KCNQ1OT1: variants seen among roughly 807,000 people sequenced by gnomAD.
KCNQ1OT1 encodes KCNQ1 antisense RNA 2 (non-protein coding).
chr11:2,673,964 G>A lies in KCNQ1OT1; in HGVS notation n.26031C>T, dbSNP rs1850237673. 4.5e-6 allele frequency: 1 copy of A among 223,818 alleles called. No individual in the cohort carries two copies. The highest frequency in any genetic ancestry group is 9.3e-5 in the East Asian group (1 of 10,800). 13.9% of individuals were successfully genotyped at this position (223,818 alleles called of 1,614,324 possible). On this transcript the variant is annotated non_coding_transcript_exon_variant, in exon 1 of 1. Transcript: ENST00000597346. This position sits in a 1 kb window ranked among gnomAD's most constrained non-coding sequence, Gnocchi z 4.5. Reference sequence around the variant, plus strand: ...CCCCATGAGTGACAGCAGCCACAAGGGGATGCCCAGCATTGGGGGTGGGGT... The same window carrying A: ...CCCCATGAGTGACAGCAGCCACAAGAGGATGCCCAGCATTGGGGGTGGGGT...
rs907726229 is a variant in KCNQ1OT1 at position 2,683,329 on chromosome 11, G to T, written n.16666C>A. ...GACACATAGAGGCCAGGTTTCCCCCGCTCAACACTAGGCCACTGTGCCTGC... is the reference window on the plus strand; with the variant it reads ...GACACATAGAGGCCAGGTTTCCCCCTCTCAACACTAGGCCACTGTGCCTGC... On this transcript the variant is annotated non_coding_transcript_exon_variant, in exon 1 of 1. Transcript: ENST00000597346. The surrounding 1 kb of genome is among the most constrained non-coding windows in gnomAD (Gnocchi z 4.7). The T allele has an allele frequency of 2.5e-6, 1 of 398,524 alleles. No homozygotes were observed. Among genetic ancestry groups the T allele is most frequent in the Non-Finnish European group, 4.4e-6 (1 of 226,066 alleles). 24.7% of individuals were successfully genotyped at this position (398,524 alleles called of 1,614,324 possible).
chr11:2,662,832 T>C, exon 1 of KCNQ1OT1: 1 of 398,844 alleles, frequency 2.5e-6, no homozygotes, highest in Non-Finnish European at 4.4e-6. Context: ...CTTCTGAGGG[T>C]CACTTGTGGA....
chr11:2,613,587 C>A lies in KCNQ1OT1; in HGVS notation n.86408G>T, dbSNP rs1305804759. 3 of 398,396 alleles carry A rather than the reference C, an allele frequency of 7.5e-6. No homozygotes were observed. In the East Asian group the frequency reaches 1.1e-4, roughly 14 times the overall value. The allele number at this position is 398,396 out of a possible 1,614,324, so 24.7% of individuals were successfully genotyped here. Reference sequence around the variant, plus strand: ...CTTAATATTTTTTCTTTAATTAGCACTTTTCAATTTTATATTTCTTTGTCC... The same window carrying A: ...CTTAATATTTTTTCTTTAATTAGCAATTTTCAATTTTATATTTCTTTGTCC... On this transcript the variant is annotated non_coding_transcript_exon_variant, in exon 1 of 1. Coordinates refer to ENST00000597346, the Ensembl canonical transcript of KCNQ1OT1. This position sits in a 1 kb window ranked among gnomAD's most constrained non-coding sequence, Gnocchi z 4.8.
exon 1 of KCNQ1OT1, chr11:2,616,396 A>G: frequency 2.5e-6 from 1 of 397,806 alleles, no homozygotes; most frequent in East Asian, 3.6e-5. Context: ...ATTCAGTTTT[A>G]TCTCCACTCA....
exon 1 of KCNQ1OT1, chr11:2,655,601 T>C: frequency 2.5e-6 from 1 of 398,660 alleles, no homozygotes; most frequent in Non-Finnish European, 4.4e-6. Flanking sequence ...GCAAGACCTG[T>C]TAGGGCACAG....
chr11:2,669,443 C>A lies in KCNQ1OT1; in HGVS notation n.30552G>T. On this transcript the variant is annotated non_coding_transcript_exon_variant, in exon 1 of 1. Coordinates refer to ENST00000597346, the Ensembl canonical transcript of KCNQ1OT1. The surrounding 1 kb of genome is among the most constrained non-coding windows in gnomAD (Gnocchi z 5.6). Reference sequence around the variant, plus strand: ...TTTAGGTTGACTTTCATATCTTTTACCTTGCCCTGTAGTTTTCAGTGTGGT... The same window carrying A: ...TTTAGGTTGACTTTCATATCTTTTAACTTGCCCTGTAGTTTTCAGTGTGGT... 2.5e-6 allele frequency: 1 copy of A among 398,626 alleles called. No individual in the cohort carries two copies. The highest frequency in any genetic ancestry group is 4.4e-6 in the Non-Finnish European group (1 of 226,074). 24.7% of individuals were successfully genotyped at this position (398,626 alleles called of 1,614,324 possible).
At position 2,626,207 on chromosome 11, in the gene KCNQ1OT1, T is replaced by C; in HGVS notation, n.73788A>G. 1 of 398,620 alleles carries C rather than the reference T, an allele frequency of 2.5e-6. No individual in the cohort carries two copies. The highest frequency in any genetic ancestry group is 4.4e-6 in the Non-Finnish European group (1 of 226,060). The allele number at this position is 398,620 out of a possible 1,614,324, so 24.7% of individuals were successfully genotyped here. A position where few individuals can be genotyped will look rare whatever the true frequency, so the allele number is the denominator to read the frequency against. Reference sequence around the variant, plus strand: ...TCATAGTTTTAGGACTTTGACCCATTTTGAGTAAGTTTTTGTACACAGTGT... The same window carrying C: ...TCATAGTTTTAGGACTTTGACCCATCTTGAGTAAGTTTTTGTACACAGTGT... On this transcript the variant is annotated non_coding_transcript_exon_variant, in exon 1 of 1. Transcript: ENST00000597346. This position sits in a 1 kb window ranked among gnomAD's most constrained non-coding sequence, Gnocchi z 4.0.
chr11:2,689,257 G>A (rs1850548426), exon 1 of KCNQ1OT1: 2 of 398,606 alleles, frequency 5.0e-6, no homozygotes, highest in Admixed American at 4.4e-5. Context: ...CTTGGAGGAC[G>A]TTCCTATCAG....
chr11:2,628,681 T>G (rs1849300817), exon 1 of KCNQ1OT1: 2 of 398,458 alleles, frequency 5.0e-6, no homozygotes, highest in Non-Finnish European at 8.9e-6. Context: ...TCCTTGTGCT[T>G]TTGATGTCAC....
exon 1 of KCNQ1OT1, chr11:2,630,736 A>G (rs1251955891): frequency 2.5e-6 from 1 of 398,206 alleles, no homozygotes; most frequent in East Asian, 3.6e-5. Context: ...AGCCTGAATA[A>G]CTCCCTCTGG....
rs1850596161 is a variant in KCNQ1OT1 at position 2,692,030 on chromosome 11, C to T, written n.7965G>A. The T allele has an allele frequency of 1.8e-5, 7 of 398,702 alleles. No individual in the cohort carries two copies. The East Asian group carries it at 2.5e-4, about 14-fold the overall frequency. 24.7% of individuals were successfully genotyped at this position (398,702 alleles called of 1,614,324 possible). A position where few individuals can be genotyped will look rare whatever the true frequency, so the allele number is the denominator to read the frequency against. On this transcript the variant is annotated non_coding_transcript_exon_variant, in exon 1 of 1. Coordinates refer to ENST00000597346, the Ensembl canonical transcript of KCNQ1OT1. Reference sequence around the variant, plus strand: ...AAGGGCTTCCAGACCACCTGTGAGGCCCTGACCCCCCAAATGTCTCTCCAA... The same window carrying T: ...AAGGGCTTCCAGACCACCTGTGAGGTCCTGACCCCCCAAATGTCTCTCCAA...
rs1590014239 is a variant in KCNQ1OT1, at chr11:2,661,261, G to A, written n.38734C>T. ...TCCTTTTGCAATAAAATATTTAAAT[G>A]AAGACAAATATAAGCCAAGAGCAAA... On this transcript the variant is annotated non_coding_transcript_exon_variant, in exon 1 of 1. Coordinates refer to ENST00000597346, the Ensembl canonical transcript of KCNQ1OT1. The surrounding 1 kb of genome is among the most constrained non-coding windows in gnomAD (Gnocchi z 5.9). The A allele has an allele frequency of 5.0e-6, 2 of 399,122 alleles. No individual in the cohort carries two copies. Among genetic ancestry groups the A allele is most frequent in the East Asian group, 7.1e-5 (2 of 28,090 alleles). The allele number at this position is 399,122 out of a possible 1,614,324, so 24.7% of individuals were successfully genotyped here. A position where few individuals can be genotyped will look rare whatever the true frequency, so the allele number is the denominator to read the frequency against.
At chr11:2,685,194 G>A (rs771782083) in exon 1 of KCNQ1OT1, 22 of 398,492 alleles carry the variant, frequency 5.5e-5, no homozygotes, top group Non-Finnish European at 8.8e-5. Flanking sequence ...CCCCTTCGTG[G>A]GGATGGCTGG....
At chr11:2,640,855 A>G (rs1479324615) in exon 1 of KCNQ1OT1, 2 of 399,380 alleles carry the variant, frequency 5.0e-6, no homozygotes, top group Non-Finnish European at 8.8e-6. Flanking sequence ...AGCCTTTGGT[A>G]TCTATCCTTC....
rs231350 is a variant in KCNQ1OT1, at chr11:2,692,419, C to A, written n.7576G>T. On this transcript the variant is annotated non_coding_transcript_exon_variant, in exon 1 of 1. Coordinates refer to ENST00000597346, the Ensembl canonical transcript of KCNQ1OT1. ...ATCAATTATCTACTCAGTGGACAGA[C>A]ATCCTTTCAAAGTTTAGAGACCTGT... 0.43 allele frequency: 170,346 copies of A among 398,446 alleles called. 41,691 individuals are homozygous for A. Among genetic ancestry groups the A allele is most frequent in the East Asian group, 0.96 (27,029 of 28,084 alleles). The allele number at this position is 398,446 out of a possible 1,614,324, so 24.7% of individuals were successfully genotyped here. A position where few individuals can be genotyped will look rare whatever the true frequency, so the allele number is the denominator to read the frequency against.
In KCNQ1OT1 at chr11:2,674,272, A is replaced by G; in HGVS notation, n.25723T>C. Reference sequence around the variant, plus strand: ...GCCCCTCTCTCCCAGCCCCCGGCACACACACTAGGACCTTTCTTCATCATG... The same window carrying G: ...GCCCCTCTCTCCCAGCCCCCGGCACGCACACTAGGACCTTTCTTCATCATG... On this transcript the variant is annotated non_coding_transcript_exon_variant, in exon 1 of 1. Transcript: ENST00000597346. The surrounding 1 kb of genome is among the most constrained non-coding windows in gnomAD (Gnocchi z 5.9). 1 of 398,654 alleles carries G rather than the reference A, an allele frequency of 2.5e-6. No individual in the cohort carries two copies. Among genetic ancestry groups the G allele is most frequent in the Admixed American group, 4.4e-5 (1 of 22,738 alleles). The allele number at this position is 398,654 out of a possible 1,614,324, so 24.7% of individuals were successfully genotyped here. A position where few individuals can be genotyped will look rare whatever the true frequency, so the allele number is the denominator to read the frequency against.
rs753515336 is a variant in KCNQ1OT1 at position 2,657,414 on chromosome 11, C to A, written n.42581G>T. 2.5e-6 allele frequency: 1 copy of A among 398,530 alleles called. No individual in the cohort carries two copies. Among genetic ancestry groups the A allele is most frequent in the Non-Finnish European group, 4.4e-6 (1 of 226,034 alleles). The allele number at this position is 398,530 out of a possible 1,614,324, so 24.7% of individuals were successfully genotyped here. ...AAGTTTTACAATTTTCTCCAGAGTT[C>A]TTGCATATACTTAGTTAGATAATTA... is the stretch of plus-strand genomic sequence containing the variant. On this transcript the variant is annotated non_coding_transcript_exon_variant, in exon 1 of 1. Transcript: ENST00000597346. The surrounding 1 kb of genome is among the most constrained non-coding windows in gnomAD (Gnocchi z 4.8).
At chr11:2,665,428 T>C in exon 1 of KCNQ1OT1, 1 of 397,424 alleles carries the variant, frequency 2.5e-6, no homozygotes. Flanking sequence ...ACCCACTCAC[T>C]ATCCTCTGCT....
Position 2,670,817 on chromosome 11 carries a change from T to C in KCNQ1OT1, n.29178A>G. 2.5e-6 allele frequency: 1 copy of C among 398,542 alleles called. No individual in the cohort carries two copies. The highest frequency in any genetic ancestry group is 4.4e-6 in the Non-Finnish European group (1 of 226,074). 24.7% of individuals were successfully genotyped at this position (398,542 alleles called of 1,614,324 possible). On this transcript the variant is annotated non_coding_transcript_exon_variant, in exon 1 of 1. Coordinates refer to ENST00000597346, the Ensembl canonical transcript of KCNQ1OT1. This position sits in a 1 kb window ranked among gnomAD's most constrained non-coding sequence, Gnocchi z 4.9. ...TCAAGTTCAGCCTCTATGTGCATCA[T>C]AAACCTGGTGCCACCAGCCAAGGAG...
Sources: gnomAD v4.1 joint callset for allele counts on GRCh38, gnomAD v4.1.1 for gene constraint, Gnocchi (gnomAD v3.1) non-coding constraint, MANE v1.5 for transcripts, NCBI Gene and HGNC (gene_info 2026-07-23, HGNC 2026-07-21) for gene names.